The following LINC00632 variants were observed in gnomAD, a reference collection of about 807,000 sequenced individuals.
The protein encoded by LINC00632 is ALDOA related specific transcript.
chrX:140,781,244 A>T (rs1569357354), exon 5 of LINC00632, among the ~76,000 whole-genome samples: 1 of 111,412 alleles, frequency 9.0e-6, no homozygotes, highest in Non-Finnish European at 1.9e-5. Context: ...TTGTCACTTA[A>T]GGTCTTTGTC....
chrX:140,751,204 G>A (rs974645626), intron 3 of LINC00632, among the ~76,000 whole-genome samples: 5 of 109,855 alleles, frequency 4.6e-5, no homozygotes, highest in African/African-American at 1.3e-4. Context: ...TCTCAATACC[G>A]TTTTCCATAG....
chrX:140,787,364 C>T (rs1932033650), exon 5 of LINC00632, among the ~76,000 whole-genome samples: 1 of 111,339 alleles, frequency 9.0e-6, no homozygotes, highest in South Asian at 3.7e-4. Context: ...AGTAACTGTG[C>T]AGCTATGTAA....
chrX:140,751,202 C>A (rs1931405961), intron 3 of LINC00632, among the ~76,000 whole-genome samples: 1 of 110,607 alleles, frequency 9.0e-6, no homozygotes, highest in Non-Finnish European at 1.9e-5. Context: ...AATCTCAATA[C>A]CGTTTTCCAT....
intron 2 of LINC00632, among the ~76,000 whole-genome samples, chrX:140,719,495 C>A (rs1434316076): frequency 1.8e-5 from 2 of 109,579 alleles, no homozygotes; most frequent in Non-Finnish European, 3.8e-5. Context: ...GACTAGGTTT[C>A]ATTTTGGCCA....
chrX:140,738,394 TAATTGTTGG>T (rs749304885), intron 3 of LINC00632, among the ~76,000 whole-genome samples: 2 of 112,389 alleles, frequency 1.8e-5, no homozygotes, highest in Admixed American at 1.9e-4. Flanking sequence ...TATATTGTTG[TAATTGTTGG>T]AATAACCCAT....
chrX:140,723,805 C>T (rs1245939485), intron 2 of LINC00632, among the ~76,000 whole-genome samples: 73 of 456 alleles, frequency 0.16, no homozygotes, highest in Non-Finnish European at 0.21. Flanking sequence ...TACACACACA[C>T]ATACACAGAC....
exon 5 of LINC00632, chrX:140,784,158 G>A (rs267606368): frequency 8.4e-6 from 10 of 1,196,694 alleles, no homozygotes; most frequent in African/African-American, 1.9e-5. Context: ...CATAGCTTCC[G>A]AAAAATCCAG....
At chrX:140,737,412 C>T (rs1201748682) in intron 3 of LINC00632, among the ~76,000 whole-genome samples, 6 of 111,182 alleles carry the variant, frequency 5.4e-5, no homozygotes, top group African/African-American at 2.0e-4. Context: ...ATGATCAGGT[C>T]AAGGTATTTA....
rs137873677 is a variant in LINC00632 at position 140,776,849 on chromosome X, T to C, written n.4868T>C. On this transcript the variant is annotated non_coding_transcript_exon_variant, in exon 5 of 5. Coordinates refer to ENST00000648200, the Ensembl canonical transcript of LINC00632. ...ATAAAGACATGCACACATATGTTTG[T>C]TGCAGCACTATTTACAATAGCAAAG... Among the ~76,000 whole-genome samples, 500 of 111,429 alleles carry C rather than the reference T, an allele frequency of 4.5e-3. 6 individuals are homozygous for C. The highest frequency in any genetic ancestry group is 0.015 in the African/African-American group (457 of 30,623).
intron 3 of LINC00632, among the ~76,000 whole-genome samples, chrX:140,738,093 T>C (rs1473769269): frequency 8.9e-6 from 1 of 112,205 alleles, no homozygotes; most frequent in Non-Finnish European, 1.9e-5. Context: ...GTCAGCAATA[T>C]ATACTGCAAC....
chrX:140,721,298 A>G (rs1227756986), intron 2 of LINC00632, among the ~76,000 whole-genome samples: 1 of 111,439 alleles, frequency 9.0e-6, no homozygotes, highest in Non-Finnish European at 1.9e-5. Flanking sequence ...CAACAAGAAT[A>G]CATGCCTTGT....
chrX:140,775,432 A>G (rs1474353135), exon 5 of LINC00632, among the ~76,000 whole-genome samples: 5 of 112,263 alleles, frequency 4.5e-5, no homozygotes. Context: ...ATTTTGGGCA[A>G]AGGCATAGGC....
chrX:140,751,304 AT>A (rs1931408396), intron 3 of LINC00632, among the ~76,000 whole-genome samples: 1 of 93,494 alleles, frequency 1.1e-5, no homozygotes, highest in Non-Finnish European at 2.2e-5. Context: ...TTTTTTTTTA[AT>A]TATGGCCATT....
exon 5 of LINC00632, among the ~76,000 whole-genome samples, chrX:140,785,826 C>T (rs1014475146): frequency 8.9e-6 from 1 of 112,099 alleles, no homozygotes; most frequent in African/African-American, 3.2e-5. Context: ...TCCCCTTTTA[C>T]TGACTTTTGT....
Position 140,712,783 on chromosome X carries a change from C to T in LINC00632, n.104+1127C>T, listed in dbSNP as rs770661353. Among the ~76,000 whole-genome samples, 28 of 108,641 alleles carry T rather than the reference C, an allele frequency of 2.6e-4. No individual in the cohort carries two copies. The South Asian group carries it at 0.011, about 43-fold the overall frequency. The allele number at this position is 108,641 out of a possible 115,157, so 94.3% of individuals were successfully genotyped here. A position where few individuals can be genotyped will look rare whatever the true frequency, so the allele number is the denominator to read the frequency against. ...CTTGCTACCTATTACCAACCCTCTC[C>T]CGGGCCCCCAACGAAGCTTTCTCTC... On this transcript the variant is annotated intron_variant and non_coding_transcript_variant, in intron 2 of 4. Coordinates refer to ENST00000648200, the Ensembl canonical transcript of LINC00632.
At chrX:140,771,681 A>AT (rs1194159501) in intron 3 of LINC00632, among the ~76,000 whole-genome samples, 9 of 58,195 alleles carry the variant, frequency 1.5e-4, no homozygotes, top group South Asian at 1.7e-3. Flanking sequence ...ATATATATAT[A>AT]TATATTTTTT....
chrX:140,726,272 C>T (rs182155141), intron 2 of LINC00632, among the ~76,000 whole-genome samples: 8 of 111,412 alleles, frequency 7.2e-5, no homozygotes, highest in African/African-American at 1.6e-4. Flanking sequence ...TGCCCCACAA[C>T]GCACGCACAT....
chrX:140,729,592 C>T (rs1360142202), intron 2 of LINC00632, among the ~76,000 whole-genome samples: 1 of 110,878 alleles, frequency 9.0e-6, no homozygotes, highest in Non-Finnish European at 1.9e-5. Flanking sequence ...AATGTGAGGA[C>T]ATGATCCACA....
chrX:140,788,773 ATG>A (rs954188429), exon 5 of LINC00632, among the ~76,000 whole-genome samples: 6 of 106,920 alleles, frequency 5.6e-5, no homozygotes, highest in Admixed American at 5.0e-4. Context: ...ATACACATAT[ATG>A]TGTATATATG....
Sources: allele counts gnomAD v4.1 joint callset (sites outside exome capture counted in the v4.1 genomes callset), GRCh38; gene constraint gnomAD v4.1.1; transcripts MANE v1.5; gene names NCBI Gene and HGNC (gene_info 2026-07-23, HGNC 2026-07-21).